The following SEMA4F variants were observed in gnomAD, a reference collection of about 807,000 sequenced individuals.
SEMA4F encodes the protein semaphorin-4F.
In SEMA4F, 51 loss-of-function variants were observed where a neutral mutation model predicts 78.4. The ratio of observed to expected loss-of-function variants is 0.65; its 90% CI spans 0.52 to 0.82. The LOEUF (loss-of-function observed/expected upper bound fraction) is 0.82, where lower values mean the gene tolerates loss of function less well. Ranked by LOEUF, SEMA4F falls within the 40% of genes least tolerant of loss-of-function variation. The pLI is 0.00. For synonymous variants in SEMA4F, 418 were observed against 408.7 expected (o/e 1.02, Z -0.27); for missense variants, 938 against 1,014.4 (o/e 0.92, Z 1.02).
At chr2:74,673,897 C>T (rs1263545515) in intron 7 of SEMA4F, 69 bp downstream of exon 7, 18 of 1,516,418 alleles carry the variant, frequency 1.2e-5, no homozygotes, top group East Asian at 2.3e-5. Flanking sequence ...ATCTTTTCCT[C>T]TTTGGGTCTC....
Position 74,654,432 on chromosome 2 carries a change from C to A in SEMA4F, c.56C>A (p.Pro19His). 1 of 1,567,162 alleles carries A rather than the reference C, an allele frequency of 6.4e-7. No individual in the cohort carries two copies. ...RPGPGQPTAS[P>H]FPLLLLAVLS... ...GGTCCCGGGCAGCCTACAGCCTCGC[C>A]CTTCCCGCTACTGCTGCTGGCGGTG... Residue 19 changes from proline (P) to histidine (H), a missense_variant, in exon 1 of 14, where the codon CCC (proline) becomes CAC (histidine). By Grantham distance (77) the Pro-to-His change is moderately conservative. Coordinates refer to ENST00000357877, the MANE Select transcript of SEMA4F (RefSeq NM_004263.5).
At chr2:74,691,621 CCTTTTCCTAGTTTG>C in the SEMA4F span, among the ~76,000 whole-genome samples, 2 of 152,168 alleles carry the variant, frequency 1.3e-5, no homozygotes, top group African/African-American at 4.8e-5. Context: ...TGCTGCTTTC[CCTTTTCCTAGTTTG>C]CTTTTCCTAA....
At chr2:74,685,949 A>T (rs991777409), downstream of SEMA4F, among the ~76,000 whole-genome samples, 1 of 152,232 alleles carries the variant, frequency 6.6e-6, no homozygotes, top group Non-Finnish European at 1.5e-5. Flanking sequence ...GCCAACAGAC[A>T]CAGGAAAAAA....
intron 5 of SEMA4F, among the ~76,000 whole-genome samples, chr2:74,668,924 G>A (rs750540796): frequency 3.0e-5 from 4 of 131,464 alleles, no homozygotes; most frequent in Non-Finnish European, 6.2e-5. Context: ...GCCACCAAGC[G>A]TGGCCAAAAA....
chr2:74,689,714 T>C, the SEMA4F span, among the ~76,000 whole-genome samples: 1 of 152,212 alleles, frequency 6.6e-6, no homozygotes, highest in African/African-American at 2.4e-5. Flanking sequence ...GAAAAGTGTT[T>C]CCTGACAGAC....
Position 74,674,937 on chromosome 2 carries a change from C to T in SEMA4F, c.1051C>T (p.Arg351Trp), listed in dbSNP as rs370892939. ...CTGTGCCTTCCGACCACAAGACATT[C>T]GGACAGTGCTGAATGGTCCCTTCAG... ...AVCAFRPQDI[R>W]TVLNGPFREL... The change falls in exon 9 of 14, where the codon CGG becomes TGG. Residue 351 changes from arginine (R) to tryptophan (W), a missense_variant. Transcript: ENST00000357877. 7 of 1,613,814 alleles carry T rather than the reference C, an allele frequency of 4.3e-6. No homozygotes were observed. The highest frequency in any genetic ancestry group is 4.0e-5 in the African/African-American group (3 of 74,800).
In SEMA4F at chr2:74,672,984, A is replaced by G. The variant is rs536956583; in HGVS notation, c.551-473A>G. On this transcript the variant is annotated intron_variant, in intron 5 of 13. Transcript: ENST00000357877. ...CCAAGTGAGTCTAGTATTCTCTAAA[A>G]TCGTGACTTGTTCCAAAGCAGTGTA... 2.0e-5 allele frequency among the ~76,000 whole-genome samples: 3 copies of G among 152,312 alleles called. No homozygotes were observed. In the South Asian group the frequency reaches 6.2e-4, roughly 32 times the overall value.
At chr2:74,684,140 A>G (rs1215915949), downstream of SEMA4F, among the ~76,000 whole-genome samples, 1 of 150,870 alleles carries the variant, frequency 6.6e-6, no homozygotes, top group East Asian at 2.0e-4. Context: ...TCATAATAAT[A>G]TAGGTCATCA....
In SEMA4F at chr2:74,675,628, G is replaced by T. The variant is rs1293771614; in HGVS notation, c.1476G>T (p.Leu492Phe). The T allele has an allele frequency of 6.2e-7, 1 of 1,613,928 alleles. No homozygotes were observed. Among genetic ancestry groups the T allele is most frequent in the Non-Finnish European group, 8.5e-7 (1 of 1,179,884 alleles). Residue 492 changes from leucine to phenylalanine, a missense_variant, in exon 11 of 14, where the codon TTG becomes TTT. Coordinates refer to ENST00000357877, the MANE Select transcript of SEMA4F (RefSeq NM_004263.5). ...CACAGCCAGTTGAGAACATGAAATT[G>T]TACCACGTGAGTTGTAGATTTTGGA... is the stretch of plus-strand genomic sequence containing the variant. The part of the protein sequence containing the change: ...PEPQPVENMK[L>F]YHSWLLVGSR...
chr2:74,685,938 A>C (rs1685813764), downstream of SEMA4F, among the ~76,000 whole-genome samples: 1 of 152,220 alleles, frequency 6.6e-6, no homozygotes, highest in Non-Finnish European at 1.5e-5. Flanking sequence ...ACATTTATGC[A>C]GCCAACAGAC....
rs1021706229 is a variant in SEMA4F at position 74,654,300 on chromosome 2, G to A, written c.-77G>A. The A allele has an allele frequency of 1.7e-5, 23 of 1,363,616 alleles. No homozygotes were observed. The highest frequency in any genetic ancestry group is 2.2e-5 in the Non-Finnish European group (23 of 1,063,648). The allele number at this position is 1,363,616 out of a possible 1,614,324, so 84.5% of individuals were successfully genotyped here. A position where few individuals can be genotyped will look rare whatever the true frequency, so the allele number is the denominator to read the frequency against. On this transcript the variant is annotated 5_prime_UTR_variant, in exon 1 of 14. Transcript: ENST00000357877. Reference sequence around the variant, plus strand: ...GGACCGAGCCGAGAGGACCCGAGTGGGGCCGAGGCCAGTAGCCCCGGGGCC... The same window carrying A: ...GGACCGAGCCGAGAGGACCCGAGTGAGGCCGAGGCCAGTAGCCCCGGGGCC...
the SEMA4F span, among the ~76,000 whole-genome samples, chr2:74,701,988 G>A: frequency 1.3e-5 from 2 of 152,192 alleles, no homozygotes; most frequent in Admixed American, 1.3e-4. Flanking sequence ...CCGATGAGAA[G>A]GGCATTGTGG....
chr2:74,654,287 G>A lies in SEMA4F; in HGVS notation c.-90G>A, dbSNP rs1372634275. The A allele has an allele frequency of 7.4e-7, 1 of 1,344,326 alleles. No homozygotes were observed. Among genetic ancestry groups the A allele is most frequent in the Admixed American group, 3.9e-5 (1 of 25,564 alleles). 83.3% of individuals were successfully genotyped at this position (1,344,326 alleles called of 1,614,324 possible). A position where few individuals can be genotyped will look rare whatever the true frequency, so the allele number is the denominator to read the frequency against. Reference sequence around the variant, plus strand: ...CTCAGGCTGAGCCGGACCGAGCCGAGAGGACCCGAGTGGGGCCGAGGCCAG... The same window carrying A: ...CTCAGGCTGAGCCGGACCGAGCCGAAAGGACCCGAGTGGGGCCGAGGCCAG... On this transcript the variant is annotated 5_prime_UTR_variant, in exon 1 of 14. Coordinates refer to ENST00000357877, the MANE Select transcript of SEMA4F (RefSeq NM_004263.5).
chr2:74,668,030 C>T (rs1399225818), intron 5 of SEMA4F, among the ~76,000 whole-genome samples: 2 of 152,190 alleles, frequency 1.3e-5, no homozygotes, highest in Non-Finnish European at 2.9e-5. Flanking sequence ...TTACTCACCT[C>T]CCCCAAACCT....
In SEMA4F at chr2:74,680,981, A is replaced by C. The variant is rs1436528188; in HGVS notation, c.*772A>C. On this transcript the variant is annotated 3_prime_UTR_variant, in exon 14 of 14. Transcript: ENST00000357877. ...TAAATTTGAGTAGAGAAAAGCTCCT[A>C]AAGTGACCTTCCGGGTGGGAAGGGC... The C allele has an allele frequency of 6.6e-6, 1 of 152,540 alleles. No homozygotes were observed. Among genetic ancestry groups the C allele is most frequent in the Non-Finnish European group, 1.5e-5 (1 of 68,048 alleles). The allele number at this position is 152,540 out of a possible 1,614,324, so 9.4% of individuals were successfully genotyped here.
At chr2:74,661,074 A>G (rs1474329846) in intron 4 of SEMA4F, among the ~76,000 whole-genome samples, 1 of 152,224 alleles carries the variant, frequency 6.6e-6, no homozygotes, top group Non-Finnish European at 1.5e-5. Context: ...GAGTCAAGGA[A>G]TAGAATATTT....
At chr2:74,699,148 G>A in the SEMA4F span, among the ~76,000 whole-genome samples, 1 of 152,138 alleles carries the variant, frequency 6.6e-6, no homozygotes, top group South Asian at 2.1e-4. Context: ...GTGCTTGAAT[G>A]CTGTCAATAA....
the SEMA4F span, among the ~76,000 whole-genome samples, chr2:74,695,914 A>C: frequency 6.6e-6 from 1 of 152,210 alleles, no homozygotes; most frequent in East Asian, 1.9e-4. Context: ...CCAGGAAAAT[A>C]CCTTATTTAT....
At position 74,657,922 on chromosome 2, in the gene SEMA4F, T is replaced by A. The variant is rs1220595585; in HGVS notation, c.427T>A (p.Phe143Ile). 6.2e-7 allele frequency: 1 copy of A among 1,614,224 alleles called. No individual in the cohort carries two copies. ...CTCTCACCTCCTCACTTGTGGCACCTTCGCTTTTGATCCGAAGTGCGGGGT... is the reference window on the plus strand; with the variant it reads ...CTCTCACCTCCTCACTTGTGGCACCATCGCTTTTGATCCGAAGTGCGGGGT... ...NASHLLTCGTFAFDPKCGVID... is the reference protein window; with the variant it reads ...NASHLLTCGTIAFDPKCGVID... Residue 143 changes from phenylalanine to isoleucine, a missense_variant, in exon 4 of 14, where the codon TTC becomes ATC. Phe to Ile is a conservative substitution (Grantham distance 21). Transcript: ENST00000357877.
Sources: gnomAD v4.1 joint callset for allele counts (sites outside exome capture counted in the v4.1 genomes callset) on GRCh38, gnomAD v4.1.1 for gene constraint, MANE v1.5 for transcripts, NCBI Gene and HGNC (gene_info 2026-07-23, HGNC 2026-07-21) for gene names.